The following SDK2 variants were observed in gnomAD, a reference collection of about 807,000 sequenced individuals.
SDK2 encodes sidekick cell adhesion molecule 2, also known as protein sidekick-2.
A neutral mutation model predicts 253.9 loss-of-function variants in SDK2; 105 were observed. That is an observed-to-expected ratio of 0.41 (90% CI 0.35 to 0.49). The LOEUF (loss-of-function observed/expected upper bound fraction) is 0.49, where lower values mean the gene tolerates loss of function less well. Among genes scored for constraint, SDK2 ranks in the 20% least tolerant of loss-of-function variants. The pLI is 0.06. For missense variants in SDK2, 2,608 were observed against 3,003.0 expected (o/e 0.87, Z 3.07); for synonymous variants, 1,249 against 1,234.9 (o/e 1.01, Z -0.24).
At chr17:73,358,315 G>C in intron 39 of SDK2, 111 bp from the exon 40 acceptor site, 10 of 1,365,200 alleles carry the variant, frequency 7.3e-6, no homozygotes, top group South Asian at 1.5e-5. Flanking sequence ...CCTGGACAGA[G>C]AGCCGCCAGG....
rs141004223 is a variant in SDK2, at chr17:73,544,175, C to T, written c.65-36578G>A. Reference sequence around the variant, plus strand: ...AGAGGCTTTCCACATCCTTTGCCTTCGAGGGACTCACTTAAACTCCCACAA... The same window carrying T: ...AGAGGCTTTCCACATCCTTTGCCTTTGAGGGACTCACTTAAACTCCCACAA... On this transcript the variant is annotated intron_variant, in intron 1 of 44. Transcript: ENST00000392650. Among the ~76,000 whole-genome samples the T allele has an allele frequency of 3.2e-4, 48 of 152,316 alleles. No individual in the cohort carries two copies. The East Asian group carries it at 6.2e-3, about 20-fold the overall frequency.
At chr17:73,607,736 CAG>C (rs2045925436) in intron 1 of SDK2, among the ~76,000 whole-genome samples, 2 of 152,078 alleles carry the variant, frequency 1.3e-5, no homozygotes, top group African/African-American at 2.4e-5. Flanking sequence ...TGGAAAGCAA[CAG>C]AGAGTCGGAT....
intron 1 of SDK2, among the ~76,000 whole-genome samples, chr17:73,593,024 C>T (rs1205029739): frequency 6.8e-6 from 1 of 146,020 alleles, no homozygotes. Context: ...CCGGTCCAGC[C>T]AGCTCATTCC....
At chr17:73,561,259 C>T (rs369832424) in intron 1 of SDK2, among the ~76,000 whole-genome samples, 1 of 152,208 alleles carries the variant, frequency 6.6e-6, no homozygotes, top group Non-Finnish European at 1.5e-5. Context: ...CGATGCCTTC[C>T]ACCCACACCA....
chr17:73,547,366 T>C (rs1395108229), intron 1 of SDK2, among the ~76,000 whole-genome samples: 1 of 152,208 alleles, frequency 6.6e-6, no homozygotes, highest in Non-Finnish European at 1.5e-5. Context: ...AGCCTTTGAT[T>C]TACTGAAGAC....
At chr17:73,419,965 G>C (rs2063216230) in intron 15 of SDK2, among the ~76,000 whole-genome samples, 1 of 152,162 alleles carries the variant, frequency 6.6e-6, no homozygotes, top group Admixed American at 6.5e-5. Flanking sequence ...GGAAGCTGCT[G>C]TTGGGGCTGA....
rs531926401 is a variant in SDK2, at chr17:73,623,618, G to A, written c.64+20407C>T. 2.0e-5 allele frequency among the ~76,000 whole-genome samples: 3 copies of A among 152,216 alleles called. No individual in the cohort carries two copies. The East Asian group carries it at 5.8e-4, about 30-fold the overall frequency. On this transcript the variant is annotated intron_variant, in intron 1 of 44. Transcript: ENST00000392650. ...CAAAAGCAGGGATAGGGTGGGGAGA[G>A]CACAGATTGTCTTCTCTCTGGTTGC...
chr17:73,431,292 C>T lies in SDK2; in HGVS notation c.1480+210G>A, dbSNP rs2063323776. Among the ~76,000 whole-genome samples, 1 of 152,230 alleles carries T rather than the reference C, an allele frequency of 6.6e-6. No individual in the cohort carries two copies. Among genetic ancestry groups the T allele is most frequent in the Non-Finnish European group, 1.5e-5 (1 of 68,046 alleles). On this transcript the variant is annotated intron_variant, in intron 11 of 44. Coordinates refer to ENST00000392650, the MANE Select transcript of SDK2 (RefSeq NM_001144952.2). The surrounding 1 kb of genome is among the most constrained non-coding windows in gnomAD (Gnocchi z 5.6). ...GTTCTCTCAAGTCGGCCAAGCATAG[C>T]ATCACCGGCAGAATCTTCCTAGTCC...
Position 73,352,465 on chromosome 17 carries a change from G to A in SDK2, c.5758+8C>T. ...GCTCCCCCACTCCCTCAGCCCCCAGGCCGGTACCTGGCACAGACTGGGAGG... is the reference window on the plus strand; with the variant it reads ...GCTCCCCCACTCCCTCAGCCCCCAGACCGGTACCTGGCACAGACTGGGAGG... On this transcript the variant is annotated splice_region_variant and intron_variant, in intron 41 of 44. Transcript: ENST00000392650. The surrounding 1 kb of genome is among the most constrained non-coding windows in gnomAD (Gnocchi z 4.1). 1 of 1,609,508 alleles carries A rather than the reference G, an allele frequency of 6.2e-7. No individual in the cohort carries two copies. Among genetic ancestry groups the A allele is most frequent in the Non-Finnish European group, 8.5e-7 (1 of 1,178,234 alleles).
intron 11 of SDK2, 141 bp from the exon 12 acceptor site, chr17:73,430,754 G>A (rs755398570): frequency 1.0e-4 from 57 of 563,252 alleles, no homozygotes; most frequent in Non-Finnish European, 1.4e-4. Context: ...TGGAAGCCAC[G>A]TCATAGTTGG....
intron 40 of SDK2, among the ~76,000 whole-genome samples, chr17:73,355,159 CATAT>C (rs1555750469): frequency 4.1e-5 from 2 of 48,628 alleles, no homozygotes; most frequent in Non-Finnish European, 6.5e-5. Flanking sequence ...CCTACACCTC[CATAT>C]ATATATATAT....
chr17:73,629,774 T>A lies in SDK2; in HGVS notation c.64+14251A>T, dbSNP rs1056948393. On this transcript the variant is annotated intron_variant, in intron 1 of 44. Coordinates refer to ENST00000392650, the MANE Select transcript of SDK2 (RefSeq NM_001144952.2). This position sits in a 1 kb window ranked among gnomAD's most constrained non-coding sequence, Gnocchi z 5.0. The stretch of plus-strand genomic sequence containing the variant: ...GCTGGATCCTGGGCACCTCACTTAG[T>A]ATACAGATGGTGCTTAGTAAGTGCA... Among the ~76,000 whole-genome samples, 1 of 152,132 alleles carries A rather than the reference T, an allele frequency of 6.6e-6. No individual in the cohort carries two copies. The highest frequency in any genetic ancestry group is 1.5e-5 in the Non-Finnish European group (1 of 68,038).
At chr17:73,607,823 G>A (rs1046224212) in intron 1 of SDK2, among the ~76,000 whole-genome samples, 5 of 151,958 alleles carry the variant, frequency 3.3e-5, no homozygotes, top group Non-Finnish European at 5.9e-5. Flanking sequence ...TTGAGCGAAG[G>A]ACACATGCTC....
intron 5 of SDK2, among the ~76,000 whole-genome samples, 155 bp from the exon 6 acceptor site, chr17:73,441,078 C>T (rs1350890960): frequency 1.3e-5 from 2 of 152,158 alleles, no homozygotes; most frequent in Non-Finnish European, 2.9e-5. Flanking sequence ...GACACTGACC[C>T]CAGGGACTAC....
At chr17:73,433,300 T>G (rs2063342038) in intron 10 of SDK2, among the ~76,000 whole-genome samples, 1 of 149,618 alleles carries the variant, frequency 6.7e-6, no homozygotes, top group Non-Finnish European at 1.5e-5. Context: ...TTTTTTTTTT[T>G]GAGACGGAGT....
intron 2 of SDK2, among the ~76,000 whole-genome samples, chr17:73,488,024 C>CTT (rs77223341): frequency 2.9e-4 from 44 of 150,912 alleles, no homozygotes; most frequent in Non-Finnish European, 5.0e-4. Context: ...ATGACTGTCC[C>CTT]TTTTTTTTTG....
At chr17:73,368,848 G>A (rs2088563) in intron 36 of SDK2, among the ~76,000 whole-genome samples, 111,024 of 151,768 alleles carry the variant, frequency 0.73, 40,867 homozygotes, top group East Asian at 0.91. Context: ...CGTTTCTACT[G>A]GAAATACAAA....
chr17:73,559,298 G>A (rs181269718), intron 1 of SDK2, among the ~76,000 whole-genome samples: 5 of 152,166 alleles, frequency 3.3e-5, no homozygotes, highest in Non-Finnish European at 7.3e-5. Flanking sequence ...TTCCTCGCTG[G>A]TAAAGTAGAG....
chr17:73,414,115 T>TC (rs761846296), intron 18 of SDK2, among the ~76,000 whole-genome samples: 2 of 151,562 alleles, frequency 1.3e-5, no homozygotes, highest in Middle Eastern at 3.4e-3. Context: ...GGCTGCAATC[T>TC]CGGCTCACTG....
Sources: gnomAD v4.1 joint callset for allele counts (sites outside exome capture counted in the v4.1 genomes callset) on GRCh38, gnomAD v4.1.1 for gene constraint, Gnocchi (gnomAD v3.1) non-coding constraint, MANE v1.5 for transcripts, NCBI Gene and HGNC (gene_info 2026-07-23, HGNC 2026-07-21) for gene names.